Variants in RPL21 observed in about 807,000 individuals in gnomAD.
The protein encoded by RPL21 is large ribosomal subunit protein eL21.
Under a neutral mutation model 21.2 loss-of-function variants are expected in RPL21, and 1 was observed. The ratio of observed to expected loss-of-function variants is 0.05; its 90% CI spans 0.02 to 0.22. The LOEUF is 0.22. Among genes scored for constraint, RPL21 ranks in the 10% least tolerant of loss-of-function variants. The pLI, the probability that RPL21 is intolerant of heterozygous loss-of-function variation, is 1.00. For synonymous variants in RPL21, 52 were observed against 62.9 expected (o/e 0.83, Z 0.82); for missense variants, 113 against 199.4 (o/e 0.57, Z 2.61).
At chr13:27,251,606 C>A (rs374953413) in intron 1 of RPL21, 21 bp downstream of exon 1, 1 of 152,350 alleles carries the variant, frequency 6.6e-6, no homozygotes, top group Non-Finnish European at 1.5e-5. Flanking sequence ...CGCGTGGCTC[C>A]CGGGCGCTAG....
At chr13:27,251,750 G>C (rs1881655352) in intron 1 of RPL21, 165 bp downstream of exon 1, 1 of 152,604 alleles carries the variant, frequency 6.6e-6, no homozygotes, top group South Asian at 2.1e-4. Flanking sequence ...GGGGAGCAGC[G>C]TGCGCCGGGT....
chr13:27,254,521 A>G, intron 3 of RPL21: 1 of 498,166 alleles, frequency 2.0e-6, no homozygotes, highest in South Asian at 2.2e-5. Context: ...CAGCCTCCCA[A>G]ATAGCTGGGA....
chr13:27,253,716 C>A, intron 1 of RPL21, 49 bp from the exon 2 acceptor site: 1 of 1,023,572 alleles, frequency 9.8e-7, no homozygotes, highest in Non-Finnish European at 1.6e-6. Flanking sequence ...GGGTTTGGGG[C>A]AAATGCCAGT....
chr13:27,256,079 G>A (rs952096252), intron 4 of RPL21, 105 bp from the exon 5 acceptor site: 1 of 853,462 alleles, frequency 1.2e-6, no homozygotes, highest in Admixed American at 2.1e-5. Flanking sequence ...TCATATCTGG[G>A]TAAAAGGTTT....
Position 27,256,553 on chromosome 13 carries a change from C to G in RPL21, c.*28C>G. ...GGTGTTAAAAAAAAAAATAAAGGAC[C>G]TCTGGGCTACAAAAATGTTTCTCTT... On this transcript the variant is annotated 3_prime_UTR_variant, in exon 6 of 6. Transcript: ENST00000311549. 1.1e-6 allele frequency: 1 copy of G among 950,204 alleles called. No homozygotes were observed. Among genetic ancestry groups the G allele is most frequent in the Non-Finnish European group, 1.7e-6 (1 of 583,038 alleles). 58.9% of individuals were successfully genotyped at this position (950,204 alleles called of 1,614,324 possible). A position where few individuals can be genotyped will look rare whatever the true frequency, so the allele number is the denominator to read the frequency against.
chr13:27,252,045 G>A (rs1019525429), intron 1 of RPL21, among the ~76,000 whole-genome samples: 10 of 152,102 alleles, frequency 6.6e-5, no homozygotes, highest in Non-Finnish European at 1.5e-4. Context: ...GGGGTAGTAG[G>A]AATGGGTTTA....
intron 1 of RPL21, among the ~76,000 whole-genome samples, chr13:27,252,420 A>T (rs1459386778): frequency 6.6e-6 from 1 of 152,188 alleles, no homozygotes; most frequent in South Asian, 2.1e-4. Context: ...CCTAGTTGCC[A>T]TGATTTTAAT....
At chr13:27,256,373 C>T in intron 5 of RPL21, 39 bp downstream of exon 5, 1 of 1,597,244 alleles carries the variant, frequency 6.3e-7, no homozygotes, top group East Asian at 2.2e-5. Flanking sequence ...TCTGAGAGCA[C>T]TTTAAGGTTG....
intron 4 of RPL21, chr13:27,255,934 G>T: frequency 2.2e-6 from 1 of 448,920 alleles, no homozygotes; most frequent in East Asian, 4.5e-5. Context: ...TAGCAGTCTG[G>T]TTTTAGATTA....
intron 3 of RPL21, 49 bp from the exon 4 acceptor site, chr13:27,255,193 T>C (rs1881840563): frequency 2.4e-6 from 2 of 835,166 alleles, no homozygotes; most frequent in Non-Finnish European, 4.3e-6. Context: ...AAAGTCAGAA[T>C]TTTAAAGGAA....
At chr13:27,254,084 G>T (rs1881774346) in intron 2 of RPL21, 136 bp from the exon 3 acceptor site, 4 of 722,856 alleles carry the variant, frequency 5.5e-6, no homozygotes, top group Non-Finnish European at 7.6e-6. Flanking sequence ...GTGCTGTCAG[G>T]AGAAATTGTC....
At chr13:27,252,922 A>G (rs899665566) in intron 1 of RPL21, among the ~76,000 whole-genome samples, 4 of 152,236 alleles carry the variant, frequency 2.6e-5, no homozygotes, top group African/African-American at 7.2e-5. Context: ...CAGGAATGGC[A>G]TTTCTGCCCT....
Position 27,253,770 on chromosome 13 carries a change from C to G in RPL21, c.-7C>G. ...GTTCTGCTTTCTGGTTTCAGTAATT[C>G]GCCAAAATGACGAACACAAAGGGAA... is the stretch of plus-strand genomic sequence containing the variant. On this transcript the variant is annotated 5_prime_UTR_variant, in exon 2 of 6. Transcript: ENST00000311549. 2 of 1,587,928 alleles carry G rather than the reference C, an allele frequency of 1.3e-6. No homozygotes were observed. Among genetic ancestry groups the G allele is most frequent in the Non-Finnish European group, 1.7e-6 (2 of 1,156,582 alleles).
chr13:27,255,311 G>A lies in RPL21; in HGVS notation c.199G>A (p.Val67Ile), dbSNP rs763643191. The change falls in exon 4 of 6, where the codon GTT becomes ATT. Residue 67 changes from valine to isoleucine, a missense_variant. Transcript: ENST00000311549. ...TGGCAAAACTGGAAGAGTCTACAAT[G>A]TTACCCAGCATGCTGTTGGCATTGT... is the stretch of plus-strand genomic sequence containing the variant. The part of the protein sequence containing the change: ...YHGKTGRVYN[V>I]TQHAVGIVVN... The A allele has an allele frequency of 1.3e-6, 2 of 1,484,222 alleles. No individual in the cohort carries two copies. Among genetic ancestry groups the A allele is most frequent in the Non-Finnish European group, 1.9e-6 (2 of 1,061,746 alleles). 91.9% of individuals were successfully genotyped at this position (1,484,222 alleles called of 1,614,324 possible).
intron 1 of RPL21, among the ~76,000 whole-genome samples, chr13:27,253,352 AG>A (rs1881738487): frequency 6.6e-6 from 1 of 152,232 alleles, no homozygotes; most frequent in Non-Finnish European, 1.5e-5. Context: ...TTGACAAGAA[AG>A]GTTTAATTCA....
intron 1 of RPL21, among the ~76,000 whole-genome samples, chr13:27,253,312 G>A (rs1881736717): frequency 6.6e-6 from 1 of 152,192 alleles, no homozygotes; most frequent in South Asian, 2.1e-4. Context: ...AATAGATGAT[G>A]TTTGAGATAC....
chr13:27,254,108 A>G (rs1289132768), intron 2 of RPL21, 112 bp from the exon 3 acceptor site: 2 of 778,156 alleles, frequency 2.6e-6, no homozygotes, highest in African/African-American at 1.7e-5. Flanking sequence ...TGGGAAGATA[A>G]TAAGCATGTA....
chr13:27,253,523 T>A (rs1261154265), intron 1 of RPL21, among the ~76,000 whole-genome samples: 1 of 152,206 alleles, frequency 6.6e-6, no homozygotes, highest in Admixed American at 6.5e-5. Context: ...TAGTTTGGAT[T>A]CTCGTATCAA....
At chr13:27,252,394 G>C (rs901150159) in intron 1 of RPL21, among the ~76,000 whole-genome samples, 1 of 152,188 alleles carries the variant, frequency 6.6e-6, no homozygotes, top group Admixed American at 6.5e-5. Flanking sequence ...ACTGCAGGTT[G>C]CTCTTTATGG....
Sources: allele counts gnomAD v4.1 joint callset (sites outside exome capture counted in the v4.1 genomes callset), GRCh38; gene constraint gnomAD v4.1.1; transcripts MANE v1.5; gene names NCBI Gene and HGNC (gene_info 2026-07-23, HGNC 2026-07-21).